Variants in MAP3K9 observed in about 807,000 individuals in gnomAD.
The protein encoded by MAP3K9 is mixed lineage kinase 1 (tyr and ser/thr specificity).
A neutral mutation model predicts 95.8 loss-of-function variants in MAP3K9; 46 were observed. The ratio of observed to expected loss-of-function variants is 0.48; its 90% CI spans 0.38 to 0.61. The LOEUF (loss-of-function observed/expected upper bound fraction) is 0.61, where lower values mean the gene tolerates loss of function less well. Ranked by LOEUF, MAP3K9 falls within the 20% of genes least tolerant of loss-of-function variation. MAP3K9 has a pLI of 0.00. For synonymous variants in MAP3K9, 533 were observed against 593.8 expected, an observed-to-expected ratio of 0.90 and a Z score of 1.49; for missense variants, 1,296 against 1,474.3, an observed-to-expected ratio of 0.88 and a Z score of 1.98.
intron 1 of MAP3K9, among the ~76,000 whole-genome samples, chr14:70,807,400 G>T (rs1367260347): frequency 6.6e-6 from 1 of 152,168 alleles, no homozygotes; most frequent in African/African-American, 2.4e-5. Flanking sequence ...TGAGGCAGGA[G>T]AATTGCTTGA....
In MAP3K9 at chr14:70,730,713, C is replaced by A. The variant is rs1393125242; in HGVS notation, c.2982G>T (p.Arg994=). Residue 994 remains arginine, a synonymous_variant, in exon 12 of 12, where the codon CGG becomes CGT. Coordinates refer to ENST00000554752, the MANE Select transcript of MAP3K9 (RefSeq NM_001284230.2). Reference sequence around the variant, plus strand: ...GTTGCCGGTTGGCAGAAGGACGCGGCCGAGGCAGAAACTCCAGAGTCTTGG... The same window carrying A: ...GTTGCCGGTTGGCAGAAGGACGCGGACGAGGCAGAAACTCCAGAGTCTTGG... ...ERPKTLEFLP[R]PRPSANRQRL... 1.9e-6 allele frequency: 3 copies of A among 1,613,704 alleles called. No homozygotes were observed. The African/African-American group carries it at 4.0e-5, about 22-fold the overall frequency.
intron 2 of MAP3K9, among the ~76,000 whole-genome samples, chr14:70,787,507 C>CA (rs66469021): frequency 0.058 from 7,306 of 126,088 alleles, 265 homozygotes; most frequent in African/African-American, 0.1. Context: ...GACTCTGTCT[C>CA]AAAAAAAAAA....
intron 1 of MAP3K9, among the ~76,000 whole-genome samples, chr14:70,804,363 T>C (rs1188722632): frequency 6.6e-6 from 1 of 152,218 alleles, no homozygotes; most frequent in Non-Finnish European, 1.5e-5. Flanking sequence ...CCTGATGTCA[T>C]CTATATGAAT....
intron 2 of MAP3K9, among the ~76,000 whole-genome samples, chr14:70,761,815 A>G (rs1164123608): frequency 6.6e-6 from 1 of 152,218 alleles, no homozygotes; most frequent in African/African-American, 2.4e-5. Context: ...ATTTAGTGAT[A>G]TTGTGTACAT....
rs145723754 is a variant in MAP3K9 at position 70,730,575 on chromosome 14, G to C, written c.3120C>G (p.Ser1040Arg). Residue 1040 changes from serine to arginine, a missense_variant, in exon 12 of 12, where the codon AGC (serine) becomes AGG (arginine). By Grantham distance (110) the Ser-to-Arg change is moderately radical. Transcript: ENST00000554752. ...GTCCAGGCCGCTCCTCTACAGTGCT[G>C]CTACTGCTAGCAAAGCAGGAGTCCA... The part of the protein sequence containing the change: ...SNLDSCFASS[S>R]STVEERPGLP... 180 of 1,613,918 alleles carry C rather than the reference G, an allele frequency of 1.1e-4. No individual in the cohort carries two copies. Among genetic ancestry groups the C allele is most frequent in the Non-Finnish European group, 1.3e-4 (155 of 1,180,048 alleles).
intron 11 of MAP3K9, 40 bp from the exon 12 acceptor site, chr14:70,730,904 C>A (rs768860409): frequency 1.2e-5 from 18 of 1,562,440 alleles, no homozygotes; most frequent in African/African-American, 1.1e-4. Context: ...AGATGAGGCA[C>A]CATATTTCGG....
chr14:70,792,282 C>G (rs181066148), intron 2 of MAP3K9, among the ~76,000 whole-genome samples: 4 of 152,284 alleles, frequency 2.6e-5, no homozygotes, highest in South Asian at 4.1e-4. Flanking sequence ...GGAAAATCCT[C>G]AAAACACATC....
chr14:70,733,731 CA>C (rs2139707422), intron 10 of MAP3K9: 1 of 718,320 alleles, frequency 1.4e-6, no homozygotes, highest in Non-Finnish European at 2.6e-6. Flanking sequence ...AGATGGGAGT[CA>C]GGGGGCAGGG....
chr14:70,808,784 A>C lies in MAP3K9; in HGVS notation c.388T>G (p.Cys130Gly). Residue 130 changes from cysteine to glycine, a missense_variant, in exon 1 of 12, where the codon TGC becomes GGC. Cys to Gly is a radical substitution (Grantham distance 159). This residue lies in a region of MAP3K9 where 338 missense variants were observed against 363.4 expected (regional missense o/e 0.93). Transcript: ENST00000554752. ...RCQPGGEDPS[C>G]YPPIQLLEID... is the part of the protein sequence containing the mutation. ...GCCTTACACTGAATGGGCGGGTAGC[A>C]ACTGGGGTCCTCGCCGCCGGGCTGG... 6.5e-7 allele frequency: 1 copy of C among 1,544,682 alleles called. No individual in the cohort carries two copies. The highest frequency in any genetic ancestry group is 8.7e-7 in the Non-Finnish European group (1 of 1,145,714).
chr14:70,761,277 C>A, intron 2 of MAP3K9, 95 bp from the exon 3 acceptor site: 1 of 1,016,398 alleles, frequency 9.8e-7, no homozygotes, highest in African/African-American at 1.6e-5. Flanking sequence ...CTGGCCTCTC[C>A]TGTGGGCTCC....
chr14:70,780,400 A>T (rs1233983663), intron 2 of MAP3K9, among the ~76,000 whole-genome samples: 2 of 152,052 alleles, frequency 1.3e-5, no homozygotes, highest in Non-Finnish European at 2.9e-5. Context: ...CTTCACTTTC[A>T]TCTCTTTCTT....
intron 2 of MAP3K9, among the ~76,000 whole-genome samples, chr14:70,795,795 G>C (rs868521622): frequency 6.9e-6 from 1 of 145,714 alleles, no homozygotes; most frequent in Admixed American, 7.0e-5. Context: ...GTCTGTCTCT[G>C]TCACCCAGGC....
At chr14:70,731,767 G>A (rs1009291962) in intron 11 of MAP3K9, among the ~76,000 whole-genome samples, 3 of 152,224 alleles carry the variant, frequency 2.0e-5, no homozygotes, top group Non-Finnish European at 4.4e-5. Flanking sequence ...AGGAGGGCAG[G>A]TCAAGCCAAA....
At position 70,725,862 on chromosome 14, in the gene MAP3K9, C is replaced by T. The variant is rs2139684440; in HGVS notation, c.*4518G>A. On this transcript the variant is annotated 3_prime_UTR_variant, in exon 12 of 12. Coordinates refer to ENST00000554752, the MANE Select transcript of MAP3K9 (RefSeq NM_001284230.2). ...CACACACACACACACTTTTCTGCAC[C>T]AAGGGAAGCAATCTGGCAAGGCTGC... The T allele has an allele frequency of 6.6e-6, 1 of 151,974 alleles. No homozygotes were observed. Among genetic ancestry groups the T allele is most frequent in the South Asian group, 2.1e-4 (1 of 4,798 alleles). 9.4% of individuals were successfully genotyped at this position (151,974 alleles called of 1,614,324 possible). A position where few individuals can be genotyped will look rare whatever the true frequency, so the allele number is the denominator to read the frequency against.
chr14:70,800,659 A>G lies in MAP3K9; in HGVS notation c.820+8T>C. 6.2e-7 allele frequency: 1 copy of G among 1,610,680 alleles called. No individual in the cohort carries two copies. The highest frequency in any genetic ancestry group is 1.1e-5 in the South Asian group (1 of 90,406). ...TGAGCCCCTCCAGCCCCATCTCTTCATACTCACTGTTGCTGGACTTAAGGT... is the reference window on the plus strand; with the variant it reads ...TGAGCCCCTCCAGCCCCATCTCTTCGTACTCACTGTTGCTGGACTTAAGGT... On this transcript the variant is annotated splice_region_variant and intron_variant, in intron 2 of 11. Coordinates refer to ENST00000554752, the MANE Select transcript of MAP3K9 (RefSeq NM_001284230.2).
At chr14:70,760,323 G>A (rs1375330176) in intron 3 of MAP3K9, among the ~76,000 whole-genome samples, 10 of 152,206 alleles carry the variant, frequency 6.6e-5, no homozygotes. Context: ...TCCTTCCTCA[G>A]CTGGGAAAAA....
Position 70,736,008 on chromosome 14 carries a change from T to C in MAP3K9, c.1866A>G (p.Lys622=). The C allele has an allele frequency of 6.2e-7, 1 of 1,613,416 alleles. No homozygotes were observed. Among genetic ancestry groups the C allele is most frequent in the Non-Finnish European group, 8.5e-7 (1 of 1,179,404 alleles). ...GDEGSPQRRE[K]ANGLSTPSES... ...CTGATGGGGTACTTAAACCATTAGC[T>C]TTCTCACGTCTCTGAGGGGATCTTC... The change falls in exon 9 of 12, where the codon AAA becomes AAG. Residue 622 remains lysine, a synonymous_variant. Transcript: ENST00000554752.
chr14:70,799,433 G>C (rs55634875), intron 2 of MAP3K9, among the ~76,000 whole-genome samples: 1 of 152,106 alleles, frequency 6.6e-6, no homozygotes, highest in African/African-American at 2.4e-5. Context: ...TCCACCTCCC[G>C]GGTTCACACC....
intron 2 of MAP3K9, 48 bp from the exon 3 acceptor site, chr14:70,761,230 C>A: frequency 1.4e-6 from 2 of 1,480,440 alleles, no homozygotes; most frequent in Non-Finnish European, 1.8e-6. Context: ...GCATTAATCA[C>A]AGGGAAACCA....
Sources: allele counts gnomAD v4.1 joint callset (sites outside exome capture counted in the v4.1 genomes callset), GRCh38; gene constraint gnomAD v4.1.1; regional missense constraint gnomAD v4.1.1; transcripts MANE v1.5; gene names NCBI Gene and HGNC (gene_info 2026-07-23, HGNC 2026-07-21).